SP100: variants seen among roughly 807,000 people sequenced by gnomAD.
SP100 encodes the protein nuclear autoantigen Sp-100.
In SP100, 84 loss-of-function variants were observed where a neutral mutation model predicts 130.0. The ratio of observed to expected loss-of-function variants is 0.65; its 90% confidence interval spans 0.54 to 0.77. SP100 has a LOEUF of 0.77. Ranked by LOEUF, SP100 falls within the 30% of genes least tolerant of loss-of-function variation. The pLI is 0.00. For synonymous variants in SP100, 331 were observed against 351.7 expected, an observed-to-expected ratio of 0.94 and a Z score of 0.66; for missense variants, 978 against 1,052.2, an observed-to-expected ratio of 0.93 and a Z score of 0.97.
intron 19 of SP100, among the ~76,000 whole-genome samples, chr2:230,500,233 AGTT>A (rs2066943170): frequency 6.6e-6 from 1 of 152,230 alleles, no homozygotes; most frequent in Non-Finnish European, 1.5e-5. Flanking sequence ...ACCCAAGAAC[AGTT>A]AAGTCCTACT....
At chr2:230,437,505 A>G (rs1410408534) in intron 2 of SP100, among the ~76,000 whole-genome samples, 1 of 152,058 alleles carries the variant, frequency 6.6e-6, no homozygotes, top group Non-Finnish European at 1.5e-5. Context: ...ATTGATATAT[A>G]TTTCAAGGGT....
At chr2:230,521,968 G>GA (rs1211384145) in intron 24 of SP100, among the ~76,000 whole-genome samples, 1 of 152,160 alleles carries the variant, frequency 6.6e-6, no homozygotes, top group African/African-American at 2.4e-5. Context: ...TTTGCAGGTT[G>GA]AAAAAACCCA....
At chr2:230,468,612 A>G (rs909422951) in intron 13 of SP100, among the ~76,000 whole-genome samples, 8 of 152,070 alleles carry the variant, frequency 5.3e-5, no homozygotes, top group African/African-American at 1.9e-4. Flanking sequence ...CAGGAGTTCA[A>G]GACCAGCCTA....
rs1237668571 is a variant in SP100 at position 230,544,280 on chromosome 2, T to C, written c.*1334T>C. Among the ~76,000 whole-genome samples the C allele has an allele frequency of 1.3e-5, 2 of 151,998 alleles. No homozygotes were observed. The highest frequency in any genetic ancestry group is 4.8e-5 in the African/African-American group (2 of 41,374). On this transcript the variant is annotated 3_prime_UTR_variant, in exon 29 of 29. Coordinates refer to ENST00000340126, the MANE Select transcript of SP100 (RefSeq NM_001080391.2). ...AAAGCAATAGCAACAAAAGCAAAAT[T>C]TGACAAATGGGATCTAATTAAACTT...
intron 2 of SP100, among the ~76,000 whole-genome samples, chr2:230,426,127 G>C (rs929287948): frequency 2.0e-5 from 3 of 152,050 alleles, no homozygotes; most frequent in African/African-American, 4.8e-5. Context: ...ATTTATTTGA[G>C]ACTTGTCTCT....
intron 17 of SP100, among the ~76,000 whole-genome samples, chr2:230,491,984 G>A (rs79069102): frequency 0.021 from 3,169 of 152,084 alleles, 126 homozygotes; most frequent in African/African-American, 0.072. Context: ...TTTAAAGAAG[G>A]TTTGCTTTTT....
intron 9 of SP100, among the ~76,000 whole-genome samples, chr2:230,461,776 C>T (rs1575657505): frequency 6.6e-6 from 1 of 151,634 alleles, no homozygotes; most frequent in Non-Finnish European, 1.5e-5. Flanking sequence ...TGGCGAAACC[C>T]CATCTCTACA....
At chr2:230,461,149 G>A (rs988470082) in intron 8 of SP100, 113 bp from the exon 9 acceptor site, 4 of 938,820 alleles carry the variant, frequency 4.3e-6, no homozygotes, top group Admixed American at 2.5e-5. Context: ...AAACACGGAG[G>A]TGGGGTGAAG....
At chr2:230,428,753 C>T (rs1189685323) in intron 2 of SP100, among the ~76,000 whole-genome samples, 1 of 152,050 alleles carries the variant, frequency 6.6e-6, no homozygotes, top group African/African-American at 2.4e-5. Context: ...AGAAGTGCTA[C>T]ACACTTTTAA....
At chr2:230,517,104 C>G (rs1559531882) in intron 24 of SP100, among the ~76,000 whole-genome samples, 1 of 152,058 alleles carries the variant, frequency 6.6e-6, no homozygotes, top group Non-Finnish European at 1.5e-5. Context: ...GACAGTTTCT[C>G]CCATACAATT....
intron 17 of SP100, among the ~76,000 whole-genome samples, chr2:230,475,127 T>A (rs562336999): frequency 6.6e-6 from 1 of 152,148 alleles, no homozygotes; most frequent in Non-Finnish European, 1.5e-5. Flanking sequence ...TCTTCCACAA[T>A]GGTTGAACTA....
Position 230,470,083 on chromosome 2 carries a change from C to A in SP100, c.1414C>A (p.Leu472Ile). ...GCTTCAGGAAACCTGCAGCTCATCC[C>A]TAAGAAGAGGGTCAGGTAAAGAAGA... ...EELQETCSSS[L>I]RRGSGSQPQE... The change falls in exon 15 of 29, where the codon CTA (leucine) becomes ATA (isoleucine). Residue 472 changes from leucine to isoleucine, a missense_variant. Coordinates refer to ENST00000340126, the MANE Select transcript of SP100 (RefSeq NM_001080391.2). 1 of 1,609,366 alleles carries A rather than the reference C, an allele frequency of 6.2e-7. No homozygotes were observed. Among genetic ancestry groups the A allele is most frequent in the South Asian group, 1.1e-5 (1 of 90,186 alleles).
intron 17 of SP100, among the ~76,000 whole-genome samples, chr2:230,490,173 G>A (rs1193081057): frequency 6.6e-6 from 1 of 152,024 alleles, no homozygotes; most frequent in African/African-American, 2.4e-5. Context: ...GAATCTGGGT[G>A]CTCCTGTATT....
At position 230,432,417 on chromosome 2, in the gene SP100, G is replaced by C. The variant is rs544669678; in HGVS notation, c.108-10520G>C. On this transcript the variant is annotated intron_variant, in intron 2 of 28. Transcript: ENST00000340126. ...TAGATATTTAGGAGTGAAACTATTG[G>C]GTTCTATAGTAGCATTATGTTTCAC... Among the ~76,000 whole-genome samples the C allele has an allele frequency of 3.9e-5, 6 of 152,120 alleles. No homozygotes were observed. The South Asian group carries it at 1.2e-3, about 32-fold the overall frequency.
At chr2:230,443,544 A>AC (rs2063553294) in intron 3 of SP100, among the ~76,000 whole-genome samples, 1 of 152,162 alleles carries the variant, frequency 6.6e-6, no homozygotes, top group Non-Finnish European at 1.5e-5. Context: ...GAACATTAAA[A>AC]CCCACAGGGA....
chr2:230,514,437 T>C (rs955437753), intron 24 of SP100, among the ~76,000 whole-genome samples: 4 of 152,222 alleles, frequency 2.6e-5, no homozygotes, highest in African/African-American at 9.6e-5. Flanking sequence ...AGACTTATTA[T>C]AGCCAGGAAA....
chr2:230,474,476 T>C, intron 17 of SP100, 29 bp downstream of exon 17: 1 of 1,039,668 alleles, frequency 9.6e-7, no homozygotes, highest in Non-Finnish European at 1.5e-6. Flanking sequence ...TTACTTAATT[T>C]TTATGTTACA....
intron 17 of SP100, among the ~76,000 whole-genome samples, chr2:230,479,149 G>A (rs900902004): frequency 1.3e-5 from 2 of 152,206 alleles, no homozygotes; most frequent in African/African-American, 4.8e-5. Context: ...TTCAACTACA[G>A]CTCTCCCACA....
chr2:230,534,671 T>G (rs1691848671), intron 24 of SP100, among the ~76,000 whole-genome samples: 4 of 152,244 alleles, frequency 2.6e-5, no homozygotes, highest in Admixed American at 2.6e-4. Context: ...GAGGTGGTGG[T>G]CAACTTCTTT....
Sources: gnomAD v4.1 joint callset for allele counts (sites outside exome capture counted in the v4.1 genomes callset) on GRCh38, gnomAD v4.1.1 for gene constraint, MANE v1.5 for transcripts, NCBI Gene and HGNC (gene_info 2026-07-23, HGNC 2026-07-21) for gene names.